NCMAP: variants seen among roughly 807,000 people sequenced by gnomAD.
NCMAP encodes non-compact myelin associated protein, also known as noncompact myelin-associated protein.
NCMAP carries 8 observed loss-of-function variants against 7.8 expected under a neutral mutation model. The ratio of observed to expected loss-of-function variants is 1.02; its 90% CI spans 0.60 to 1.84. The LOEUF is 1.84. NCMAP is among the 40% of genes most tolerant of loss of function. The probability of loss-of-function intolerance (pLI) is 0.00; values close to 1 mark genes in which losing one functional copy is unlikely to be tolerated. For missense variants in NCMAP, 112 were observed against 131.4 expected (o/e 0.85, Z 0.72); for synonymous variants, 41 against 52.9 (o/e 0.78, Z 0.98).
intron 1 of NCMAP, among the ~76,000 whole-genome samples, chr1:24,571,051 T>A (rs1353128578): frequency 6.6e-6 from 1 of 150,716 alleles, no homozygotes; most frequent in Non-Finnish European, 1.5e-5. Flanking sequence ...CGAGGGACAT[T>A]GAGACTTCTC....
intron 1 of NCMAP, among the ~76,000 whole-genome samples, chr1:24,575,672 G>C (rs535631624): frequency 6.6e-6 from 1 of 152,044 alleles, no homozygotes; most frequent in Non-Finnish European, 1.5e-5. Context: ...CTGCCCGGGC[G>C]TGGTGGCTCA....
At chr1:24,597,339 AC>A (rs1436730313) in intron 2 of NCMAP, among the ~76,000 whole-genome samples, 1 of 151,452 alleles carries the variant, frequency 6.6e-6, no homozygotes, top group East Asian at 1.9e-4. Flanking sequence ...CATCTCTACT[AC>A]TAAAAATACA....
intron 1 of NCMAP, among the ~76,000 whole-genome samples, chr1:24,572,805 A>G (rs1224964072): frequency 1.3e-5 from 2 of 150,656 alleles, no homozygotes; most frequent in South Asian, 2.1e-4. Context: ...TTCCTCTGGC[A>G]CGTCAAGGAG....
intron 1 of NCMAP, chr1:24,563,947 T>A (rs1447518314): frequency 1.3e-5 from 2 of 151,980 alleles, no homozygotes; most frequent in Non-Finnish European, 2.9e-5. Flanking sequence ...ACAAGGAAAA[T>A]GCAATTGGGA....
rs1283175402 is a variant in NCMAP at position 24,607,361 on chromosome 1, C to G, written c.*1614C>G. 6.6e-6 allele frequency: 1 copy of G among 151,176 alleles called. No individual in the cohort carries two copies. Among genetic ancestry groups the G allele is most frequent in the Admixed American group, 6.6e-5 (1 of 15,240 alleles). 9.4% of individuals were successfully genotyped at this position (151,176 alleles called of 1,614,324 possible). A position where few individuals can be genotyped will look rare whatever the true frequency, so the allele number is the denominator to read the frequency against. ...TTCAATTGCAAGATAGACATTTCTT[C>G]ACATTTTAATGATTCTGAAATCAGA... is the stretch of plus-strand genomic sequence containing the variant. On this transcript the variant is annotated 3_prime_UTR_variant, in exon 4 of 4. Coordinates refer to ENST00000374392, the MANE Select transcript of NCMAP (RefSeq NM_001010980.5).
intron 2 of NCMAP, among the ~76,000 whole-genome samples, chr1:24,599,834 C>CCA (rs1557603582): frequency 1.4e-5 from 1 of 69,414 alleles, no homozygotes; most frequent in African/African-American, 4.4e-5. Flanking sequence ...CCCCCCCCCC[C>CCA]CCCCCTTGGC....
At chr1:24,577,401 G>GTTTTTTTTTTTTTTTT (rs71577720) in intron 1 of NCMAP, among the ~76,000 whole-genome samples, 10 of 39,954 alleles carry the variant, frequency 2.5e-4, no homozygotes, top group African/African-American at 6.4e-4. Flanking sequence ...CACTGGCCTT[G>GTTTTTTTTTTTTTTTT]TTTTTTTTTT....
intron 1 of NCMAP, among the ~76,000 whole-genome samples, chr1:24,561,639 G>A (rs1000310850): frequency 5.9e-5 from 9 of 151,846 alleles, no homozygotes; most frequent in Admixed American, 3.3e-4. Flanking sequence ...GGCCGGGCGC[G>A]GTGGCTCATG....
intron 1 of NCMAP, among the ~76,000 whole-genome samples, chr1:24,578,534 G>C (rs191620121): frequency 1.3e-5 from 2 of 149,954 alleles, no homozygotes; most frequent in Non-Finnish European, 3.0e-5. Context: ...TTGGGGGAGG[G>C]AGCTTAGTTT....
intron 1 of NCMAP, among the ~76,000 whole-genome samples, chr1:24,571,893 A>G (rs1464927562): frequency 6.6e-6 from 1 of 151,008 alleles, no homozygotes; most frequent in Non-Finnish European, 1.5e-5. Context: ...GAAGAAAAAA[A>G]TTATGAATGA....
At chr1:24,588,198 C>T (rs1570531108) in intron 1 of NCMAP, among the ~76,000 whole-genome samples, 1 of 152,136 alleles carries the variant, frequency 6.6e-6, no homozygotes, top group Non-Finnish European at 1.5e-5. Flanking sequence ...TCTCCCACCT[C>T]AGCCTCCCGA....
intron 1 of NCMAP, among the ~76,000 whole-genome samples, chr1:24,594,350 G>C (rs1652147488): frequency 6.6e-6 from 1 of 151,754 alleles, no homozygotes; most frequent in Admixed American, 6.6e-5. Context: ...GTGGCCTCAG[G>C]GTAAAAAAAT....
chr1:24,566,945 A>C (rs915577259), intron 1 of NCMAP, among the ~76,000 whole-genome samples: 4 of 152,106 alleles, frequency 2.6e-5, no homozygotes, highest in Non-Finnish European at 5.9e-5. Flanking sequence ...GCCAGGACAA[A>C]TATCCTGGTT....
chr1:24,557,426 T>C (rs1263339303), intron 1 of NCMAP, among the ~76,000 whole-genome samples: 2 of 145,684 alleles, frequency 1.4e-5, no homozygotes, highest in Non-Finnish European at 1.5e-5. Flanking sequence ...TGTGCATGTG[T>C]GTGCATGTGG....
Position 24,579,161 on chromosome 1 carries a change from G to T in NCMAP, c.-7-16263G>T, listed in dbSNP as rs1651676783. On this transcript the variant is annotated intron_variant, in intron 1 of 3. Coordinates refer to ENST00000374392, the MANE Select transcript of NCMAP (RefSeq NM_001010980.5). Reference sequence around the variant, plus strand: ...CACTTTAGTGGGTGCATCCTCCAGGGGCTTCCTGGGAAAAGGTGCATGGGG... The same window carrying T: ...CACTTTAGTGGGTGCATCCTCCAGGTGCTTCCTGGGAAAAGGTGCATGGGG... Among the ~76,000 whole-genome samples the T allele has an allele frequency of 1.3e-5, 2 of 150,938 alleles. 1 individual carries two copies. The highest frequency in any genetic ancestry group is 4.2e-4 in the South Asian group (2 of 4,792).
chr1:24,587,139 T>C (rs1194303262), intron 1 of NCMAP, among the ~76,000 whole-genome samples: 1 of 152,342 alleles, frequency 6.6e-6, no homozygotes, highest in South Asian at 2.1e-4. Flanking sequence ...ACTGTCATTC[T>C]GAACATGTCA....
intron 1 of NCMAP, among the ~76,000 whole-genome samples, chr1:24,580,702 G>A (rs180850865): frequency 1.5e-3 from 231 of 152,214 alleles, no homozygotes; most frequent in Non-Finnish European, 2.8e-3. Context: ...CAGGTGATCC[G>A]CCCGTCTCAG....
intron 1 of NCMAP, among the ~76,000 whole-genome samples, chr1:24,573,969 A>AAAAAAAAAAAAAAAAAAAAAAAAC (rs1274825221): frequency 2.9e-5 from 4 of 136,860 alleles, no homozygotes; most frequent in Admixed American, 7.0e-5. Flanking sequence ...AAAAAAAAAA[A>AAAAAAAAAAAAAAAAAAAAAAAAC]AACAGAAAAA....
chr1:24,561,698 G>T (rs989648813), intron 1 of NCMAP, among the ~76,000 whole-genome samples: 1 of 152,152 alleles, frequency 6.6e-6, no homozygotes, highest in African/African-American at 2.4e-5. Flanking sequence ...ATCTCCTGAG[G>T]TCAGGAGTTC....
Sources: allele counts gnomAD v4.1 joint callset (sites outside exome capture counted in the v4.1 genomes callset), GRCh38; gene constraint gnomAD v4.1.1; transcripts MANE v1.5; gene names NCBI Gene and HGNC (gene_info 2026-07-23, HGNC 2026-07-21).